The following TATDN1 variants were observed in gnomAD, a reference collection of about 807,000 sequenced individuals.
TATDN1 encodes TatD DNase domain containing 1.
Under a neutral mutation model 46.4 loss-of-function variants are expected in TATDN1, and 40 were observed. That is an observed-to-expected ratio of 0.86 (90% CI 0.67 to 1.12). The LOEUF is 1.12. TATDN1 is among the 50% of genes most tolerant of loss of function. TATDN1 has a pLI of 0.00. For synonymous variants in TATDN1, 95 were observed against 105.6 expected (o/e 0.90, Z 0.62); for missense variants, 326 against 348.4 (o/e 0.94, Z 0.51).
At chr8:124,504,757 T>C (rs1029753690) in intron 8 of TATDN1, 1 of 152,430 alleles carries the variant, frequency 6.6e-6, no homozygotes, top group African/African-American at 2.4e-5. Flanking sequence ...CTTTTTTTTT[T>C]TTTTTTGAGA....
At chr8:124,502,801 T>C (rs1818090144) in intron 9 of TATDN1, among the ~76,000 whole-genome samples, 1 of 152,208 alleles carries the variant, frequency 6.6e-6, no homozygotes, top group Admixed American at 6.5e-5. Flanking sequence ...TTCTTAAACT[T>C]GAAGCCCAGC....
At chr8:124,498,912 A>C (rs909095367) in intron 9 of TATDN1, among the ~76,000 whole-genome samples, 4 of 150,480 alleles carry the variant, frequency 2.7e-5, no homozygotes, top group African/African-American at 9.8e-5. Context: ...AGCCTCCTGA[A>C]GTGCTAGGAT....
chr8:124,509,401 C>T (rs1311281202), intron 6 of TATDN1, among the ~76,000 whole-genome samples: 2 of 152,162 alleles, frequency 1.3e-5, no homozygotes, highest in Admixed American at 6.5e-5. Flanking sequence ...AAACCTGTTA[C>T]GTTTTCAAGA....
At chr8:124,517,156 G>A (rs72713088) in intron 4 of TATDN1, among the ~76,000 whole-genome samples, 10,912 of 152,276 alleles carry the variant, frequency 0.072, 622 homozygotes, top group South Asian at 0.29. Context: ...TGGGGTGGGT[G>A]AGGTGGCTTA....
intron 4 of TATDN1, among the ~76,000 whole-genome samples, chr8:124,516,246 A>G (rs1819462890): frequency 6.6e-6 from 1 of 152,194 alleles, no homozygotes. Context: ...TAATGTATTA[A>G]TAAAATAATT....
In TATDN1 at chr8:124,504,357, T is replaced by C. The variant is rs1310196030; in HGVS notation, c.517-10A>G. The C allele has an allele frequency of 1.9e-6, 3 of 1,564,488 alleles. No homozygotes were observed. The South Asian group carries it at 3.6e-5, about 19-fold the overall frequency. ...CATCAAATGAATGCACCTGGGGACA[T>C]ACAGGTATAAGTTTATTATTATAAT... On this transcript the variant is annotated splice_polypyrimidine_tract_variant and intron_variant, in intron 8 of 11. Transcript: ENST00000276692.
At chr8:124,523,762 CAGG>C (rs1168301876) in intron 1 of TATDN1, among the ~76,000 whole-genome samples, 1 of 152,046 alleles carries the variant, frequency 6.6e-6, no homozygotes, top group Non-Finnish European at 1.5e-5. Context: ...TTGGTATCTG[CAGG>C]AGGTTCTGGA....
At chr8:124,521,419 T>G (rs1025200635) in intron 3 of TATDN1, among the ~76,000 whole-genome samples, 2 of 152,182 alleles carry the variant, frequency 1.3e-5, no homozygotes, top group African/African-American at 4.8e-5. Context: ...TTTAAAGTGA[T>G]TTACCAAGCA....
At chr8:124,524,461 G>A (rs1439507983) in intron 1 of TATDN1, among the ~76,000 whole-genome samples, 1 of 152,180 alleles carries the variant, frequency 6.6e-6, no homozygotes, top group Non-Finnish European at 1.5e-5. Context: ...AAATGGGGCA[G>A]ACTGAGAAAG....
chr8:124,498,421 AC>A (rs1274656739), intron 9 of TATDN1, among the ~76,000 whole-genome samples: 1 of 76,588 alleles, frequency 1.3e-5, no homozygotes, highest in Non-Finnish European at 2.6e-5. Flanking sequence ...GAAAACCCCC[AC>A]CCCCGGCCCC....
intron 11 of TATDN1, among the ~76,000 whole-genome samples, chr8:124,493,586 A>G (rs1022209940): frequency 6.6e-6 from 1 of 152,238 alleles, no homozygotes; most frequent in African/African-American, 2.4e-5. Context: ...GAGGCTGTCA[A>G]ATCATTTAAA....
intron 8 of TATDN1, among the ~76,000 whole-genome samples, chr8:124,507,005 T>C (rs1007956345): frequency 2.0e-5 from 3 of 151,878 alleles, no homozygotes; most frequent in African/African-American, 7.3e-5. Flanking sequence ...CTACTAAAAA[T>C]ACAAAAATTA....
At chr8:124,494,179 A>T in intron 10 of TATDN1, 1 of 354,774 alleles carries the variant, frequency 2.8e-6, no homozygotes, top group East Asian at 4.8e-5. Context: ...TTTTCTGCTA[A>T]CATTGTTGGT....
intron 9 of TATDN1, among the ~76,000 whole-genome samples, chr8:124,502,690 C>T (rs1818081672): frequency 6.6e-6 from 1 of 152,210 alleles, no homozygotes; most frequent in Non-Finnish European, 1.5e-5. Flanking sequence ...AGATTATCTA[C>T]ATAGGTTTGC....
chr8:124,518,702 AT>A, intron 4 of TATDN1, 115 bp downstream of exon 4: 1 of 735,030 alleles, frequency 1.4e-6, no homozygotes, highest in South Asian at 1.7e-5. Context: ...AAATCAGTCC[AT>A]TTTCCTATTG....
At chr8:124,528,878 G>C (rs543999064) in intron 1 of TATDN1, among the ~76,000 whole-genome samples, 3 of 152,286 alleles carry the variant, frequency 2.0e-5, no homozygotes, top group South Asian at 4.1e-4. Context: ...CTTGTTCTCT[G>C]TAACTAGTAA....
At chr8:124,497,751 C>T (rs1817606482) in intron 9 of TATDN1, among the ~76,000 whole-genome samples, 1 of 152,108 alleles carries the variant, frequency 6.6e-6, no homozygotes, top group Non-Finnish European at 1.5e-5. Flanking sequence ...GCCATGGATG[C>T]CCAATGCATA....
intron 8 of TATDN1, among the ~76,000 whole-genome samples, chr8:124,505,779 A>G (rs1818356439): frequency 6.6e-6 from 1 of 152,020 alleles, no homozygotes; most frequent in Admixed American, 6.6e-5. Flanking sequence ...TACACTATGG[A>G]TAACATATTT....
intron 9 of TATDN1, among the ~76,000 whole-genome samples, chr8:124,497,268 G>C (rs1262579649): frequency 1.3e-5 from 2 of 149,920 alleles, no homozygotes; most frequent in African/African-American, 2.4e-5. Context: ...TCTGCCCTCT[G>C]TATTTCCTTC....
Sources: gnomAD v4.1 joint callset for allele counts (sites outside exome capture counted in the v4.1 genomes callset) on GRCh38, gnomAD v4.1.1 for gene constraint, MANE v1.5 for transcripts, NCBI Gene and HGNC (gene_info 2026-07-23, HGNC 2026-07-21) for gene names.